The following CSMD1 variants were observed in gnomAD, a reference collection of about 807,000 sequenced individuals.
CSMD1 encodes CUB and sushi domain-containing protein 1.
CSMD1 carries 213 observed loss-of-function variants against 417.5 expected under a neutral mutation model. That is an observed-to-expected ratio of 0.51 (90% CI 0.46 to 0.57). CSMD1 has a LOEUF of 0.57. Among genes scored for constraint, CSMD1 ranks in the 20% least tolerant of loss-of-function variants. The pLI is 0.00. For synonymous variants in CSMD1, 2,862 were observed against 1,736.8 expected, an observed-to-expected ratio of 1.65 and a Z score of -16.11; for missense variants, 6,923 against 4,529.7, an observed-to-expected ratio of 1.53 and a Z score of -15.17.
intron 1 of CSMD1, among the ~76,000 whole-genome samples, chr8:4,822,361 G>A (rs1391780608): frequency 6.6e-6 from 1 of 152,082 alleles, no homozygotes; most frequent in African/African-American, 2.4e-5. Flanking sequence ...GGACAAAAAT[G>A]TGTTCATTGC....
intron 33 of CSMD1, among the ~76,000 whole-genome samples, chr8:3,197,564 C>G (rs1796769409): frequency 6.6e-6 from 1 of 151,038 alleles, no homozygotes; most frequent in South Asian, 2.1e-4. Context: ...CTCCCGGGTT[C>G]ACGCCATTCT....
chr8:3,622,712 G>A (rs941179443), intron 7 of CSMD1, among the ~76,000 whole-genome samples: 5 of 152,148 alleles, frequency 3.3e-5, no homozygotes, highest in African/African-American at 4.8e-5. Context: ...GAGTTGTTTC[G>A]TGTGATAAAC....
At chr8:3,268,625 T>G (rs1050083347) in intron 26 of CSMD1, among the ~76,000 whole-genome samples, 2 of 152,104 alleles carry the variant, frequency 1.3e-5, no homozygotes, top group African/African-American at 4.8e-5. Flanking sequence ...TGACTGGCAT[T>G]TTTTGTGTTC....
intron 51 of CSMD1, among the ~76,000 whole-genome samples, chr8:3,021,660 C>T (rs544880061): frequency 2.0e-5 from 3 of 151,980 alleles, no homozygotes; most frequent in African/African-American, 7.3e-5. Flanking sequence ...CTCCGGAATG[C>T]ACCTGCAATC....
At chr8:4,100,167 G>T (rs1039087237) in intron 3 of CSMD1, among the ~76,000 whole-genome samples, 2 of 152,052 alleles carry the variant, frequency 1.3e-5, no homozygotes, top group African/African-American at 4.8e-5. Flanking sequence ...AGTAAAATGG[G>T]GCATATACTA....
At chr8:4,722,588 T>C (rs918988549) in intron 1 of CSMD1, among the ~76,000 whole-genome samples, 9 of 152,096 alleles carry the variant, frequency 5.9e-5, no homozygotes, top group Admixed American at 5.2e-4. Flanking sequence ...CTGTGTTCCT[T>C]CTTGGAGGAG....
intron 3 of CSMD1, among the ~76,000 whole-genome samples, chr8:4,380,114 C>T (rs1380298075): frequency 6.6e-6 from 1 of 152,126 alleles, no homozygotes; most frequent in Non-Finnish European, 1.5e-5. Flanking sequence ...AAAACAAATT[C>T]CTTGTGTTGA....
rs556481258 is a variant in CSMD1, at chr8:3,434,034, C to T, written c.1562-24429G>A. Among the ~76,000 whole-genome samples the T allele has an allele frequency of 1.2e-4, 18 of 152,320 alleles. No homozygotes were observed. The South Asian group carries it at 3.3e-3, about 28-fold the overall frequency. ...TTCTCTGCTTTCTCATGAACTACAA[C>T]AATCGCATCATTCCTGGCATTCTTT... is the stretch of plus-strand genomic sequence containing the variant. On this transcript the variant is annotated intron_variant, in intron 12 of 69. Coordinates refer to ENST00000635120, the MANE Select transcript of CSMD1 (RefSeq NM_033225.6).
Position 3,977,328 on chromosome 8 carries a change from C to G in CSMD1, c.818+20575G>C, listed in dbSNP as rs1194002624. ...CCCATTTCATTCCTTTCCCAATGTCCTGCCATACTCAGCAAAGCAATGTCA... is the reference window on the plus strand; with the variant it reads ...CCCATTTCATTCCTTTCCCAATGTCGTGCCATACTCAGCAAAGCAATGTCA... On this transcript the variant is annotated intron_variant, in intron 5 of 69. Transcript: ENST00000635120. Among the ~76,000 whole-genome samples, 8 of 152,130 alleles carry G rather than the reference C, an allele frequency of 5.3e-5. No individual in the cohort carries two copies. The East Asian group carries it at 1.5e-3, about 29-fold the overall frequency.
chr8:3,590,101 T>C (rs1405609219), intron 8 of CSMD1, among the ~76,000 whole-genome samples: 1 of 151,708 alleles, frequency 6.6e-6, no homozygotes, highest in Admixed American at 6.6e-5. Context: ...TAAAGAAAAA[T>C]AAAAATGACA....
intron 3 of CSMD1, among the ~76,000 whole-genome samples, chr8:4,082,886 T>G (rs981784427): frequency 6.6e-6 from 1 of 151,452 alleles, no homozygotes; most frequent in African/African-American, 2.4e-5. Context: ...GTCCTTGTGA[T>G]ACTTTACTGA....
At chr8:4,352,279 G>A (rs1801143456) in intron 3 of CSMD1, among the ~76,000 whole-genome samples, 1 of 152,172 alleles carries the variant, frequency 6.6e-6, no homozygotes, top group Non-Finnish European at 1.5e-5. Flanking sequence ...GCTCATGAGG[G>A]TTCTTCCAGG....
chr8:4,844,525 T>G (rs988770477), intron 1 of CSMD1, among the ~76,000 whole-genome samples: 3 of 152,148 alleles, frequency 2.0e-5, no homozygotes, highest in Non-Finnish European at 4.4e-5. Context: ...CAGGACTGCC[T>G]GCTGCGACTG....
intron 51 of CSMD1, among the ~76,000 whole-genome samples, chr8:3,028,323 G>A (rs768267891): frequency 2.0e-5 from 3 of 152,124 alleles, no homozygotes; most frequent in Non-Finnish European, 4.4e-5. Flanking sequence ...CAAGAATGTC[G>A]GGAAGGGGGG....
intron 12 of CSMD1, among the ~76,000 whole-genome samples, chr8:3,441,917 C>G (rs1815007840): frequency 6.6e-6 from 1 of 151,984 alleles, no homozygotes. Flanking sequence ...ATTGAGATCA[C>G]TGAACATGAG....
chr8:4,248,843 A>T (rs541424320), intron 3 of CSMD1, among the ~76,000 whole-genome samples: 1 of 152,306 alleles, frequency 6.6e-6, no homozygotes, highest in South Asian at 2.1e-4. Context: ...AATAGCCAAA[A>T]ACAATTGCTA....
chr8:3,541,008 A>G (rs1798414135), intron 10 of CSMD1, among the ~76,000 whole-genome samples: 1 of 152,240 alleles, frequency 6.6e-6, no homozygotes, highest in East Asian at 1.9e-4. Context: ...ATACCATTTG[A>G]CCCAGCAATC....
At chr8:4,320,881 T>C (rs573058749) in intron 3 of CSMD1, among the ~76,000 whole-genome samples, 33 of 152,236 alleles carry the variant, frequency 2.2e-4, no homozygotes, top group Non-Finnish European at 3.2e-4. Context: ...ACAAACACAC[T>C]TATGTTTGTT....
chr8:4,131,075 G>C (rs769890786), intron 3 of CSMD1, among the ~76,000 whole-genome samples: 5 of 152,194 alleles, frequency 3.3e-5, no homozygotes, highest in East Asian at 1.9e-4. Flanking sequence ...AAATGCCTCA[G>C]AGAAGTGTGA....
Sources: allele counts gnomAD v4.1 joint callset (sites outside exome capture counted in the v4.1 genomes callset), GRCh38; gene constraint gnomAD v4.1.1; transcripts MANE v1.5; gene names NCBI Gene and HGNC (gene_info 2026-07-23, HGNC 2026-07-21).